CPED1: variants seen among roughly 807,000 people sequenced by gnomAD.
CPED1 encodes the protein cadherin like and PC-esterase domain containing 1.
A neutral mutation model predicts 128.2 loss-of-function variants in CPED1; 114 were observed. The ratio of observed to expected loss-of-function variants is 0.89; its 90% CI spans 0.76 to 1.04. CPED1 has a LOEUF of 1.04. Ranked by LOEUF, CPED1 falls within the 50% of genes least tolerant of loss-of-function variation. CPED1 has a pLI of 0.00. For missense variants in CPED1, 1,211 were observed against 1,207.1 expected (o/e 1.00, Z -0.05); for synonymous variants, 462 against 426.7 (o/e 1.08, Z -1.02).
chr7:121,243,327 GA>G (rs1000890395), intron 17 of CPED1, among the ~76,000 whole-genome samples: 2 of 147,424 alleles, frequency 1.4e-5, no homozygotes, highest in African/African-American at 2.5e-5. Context: ...GATGAACAAG[GA>G]AAAAAAAACA....
chr7:121,014,209 A>G (rs1792235968), intron 2 of CPED1, among the ~76,000 whole-genome samples: 1 of 152,172 alleles, frequency 6.6e-6, no homozygotes, highest in Admixed American at 6.5e-5. Flanking sequence ...TGATCTGACC[A>G]GAGAAGGAAG....
chr7:121,069,092 T>A (rs1793927447), intron 5 of CPED1, among the ~76,000 whole-genome samples: 1 of 152,124 alleles, frequency 6.6e-6, no homozygotes, highest in Admixed American at 6.5e-5. Flanking sequence ...TATCTCTTTT[T>A]CAAGGCTTTC....
intron 18 of CPED1, among the ~76,000 whole-genome samples, chr7:121,254,268 A>G: frequency 6.6e-6 from 1 of 152,102 alleles, no homozygotes; most frequent in East Asian, 1.9e-4. Flanking sequence ...CCTTAAATCT[A>G]CTCAAATACA....
At chr7:121,222,462 T>C (rs184254133) in intron 16 of CPED1, among the ~76,000 whole-genome samples, 69 of 152,102 alleles carry the variant, frequency 4.5e-4, no homozygotes, top group African/African-American at 1.5e-3. Flanking sequence ...TCCATATGAA[T>C]TTTAGAGTAC....
At chr7:121,259,185 G>A (rs1293154185) in intron 18 of CPED1, among the ~76,000 whole-genome samples, 3 of 152,104 alleles carry the variant, frequency 2.0e-5, no homozygotes, top group South Asian at 2.1e-4. Flanking sequence ...TATAGGGAAG[G>A]AACAAGACAC....
At chr7:121,262,932 A>G (rs1792048912) in intron 18 of CPED1, among the ~76,000 whole-genome samples, 1 of 152,140 alleles carries the variant, frequency 6.6e-6, no homozygotes. Context: ...TTTCCAACAG[A>G]ACAATCAATC....
intron 5 of CPED1, among the ~76,000 whole-genome samples, chr7:121,087,679 T>TTTTTTTTTTTTTTTG (rs1794465347): frequency 6.7e-6 from 1 of 150,092 alleles, no homozygotes; most frequent in African/African-American, 2.5e-5. Context: ...TTTTTTTTTT[T>TTTTTTTTTTTTTTTG]TGGCAGAGTC....
intron 5 of CPED1, among the ~76,000 whole-genome samples, chr7:121,065,870 A>G (rs1793818374): frequency 6.6e-6 from 1 of 152,110 alleles, no homozygotes; most frequent in African/African-American, 2.4e-5. Context: ...CACAGAATGC[A>G]CAGCTTTTTA....
At chr7:121,088,164 A>AT (rs1794481785) in intron 5 of CPED1, among the ~76,000 whole-genome samples, 1 of 152,198 alleles carries the variant, frequency 6.6e-6, no homozygotes, top group Non-Finnish European at 1.5e-5. Context: ...CAAGTCTAGG[A>AT]TTGTTATACA....
chr7:121,155,460 A>C (rs1410744277), intron 16 of CPED1, among the ~76,000 whole-genome samples: 1 of 152,182 alleles, frequency 6.6e-6, no homozygotes, highest in East Asian at 1.9e-4. Context: ...CTTCAAAATT[A>C]ACTACAAAGC....
chr7:121,193,476 C>T (rs945766427), intron 16 of CPED1, among the ~76,000 whole-genome samples: 3 of 152,086 alleles, frequency 2.0e-5, no homozygotes, highest in Admixed American at 1.3e-4. Context: ...TACTGGGTCG[C>T]TTCAACTAAT....
intron 4 of CPED1, chr7:121,062,688 G>A (rs1793704454): frequency 1.3e-5 from 1 of 79,982 alleles, no homozygotes; most frequent in Non-Finnish European, 3.2e-5. Context: ...TGTTCTGGCT[G>A]TGTCCCCACC....
At chr7:121,026,353 G>A (rs1049710169) in intron 3 of CPED1, among the ~76,000 whole-genome samples, 3 of 152,012 alleles carry the variant, frequency 2.0e-5, no homozygotes, top group Non-Finnish European at 2.9e-5. Flanking sequence ...TGTAAAATGT[G>A]CATCTGCTCT....
rs1251372525 is a variant in CPED1, at chr7:121,266,278, G to A, written c.2362G>A (p.Glu788Lys). 2.5e-6 allele frequency: 4 copies of A among 1,613,070 alleles called. No homozygotes were observed. The highest frequency in any genetic ancestry group is 1.3e-5 in the African/African-American group (1 of 74,932). ...CAGAGGGATCATGTACTATCTTATT[G>A]AAAGGCTGAATGAAACGTTGCAGGA... The part of the protein sequence containing the change: ...TNRGIMYYLI[E>K]RLNETLQEWQ... Residue 788 changes from glutamate (E) to lysine (K), a missense_variant, in exon 19 of 23, where the codon GAA (glutamate) becomes AAA (lysine). Glu to Lys is a moderately conservative substitution (Grantham distance 56, BLOSUM62 1). Transcript: ENST00000310396.
chr7:121,132,387 AGT>A (rs1795693414), intron 12 of CPED1, among the ~76,000 whole-genome samples: 1 of 151,982 alleles, frequency 6.6e-6, no homozygotes, highest in African/African-American at 2.4e-5. Flanking sequence ...TGGTTACCAC[AGT>A]TTTTTCTATA....
chr7:121,088,927 T>C (rs1794512879), intron 5 of CPED1, among the ~76,000 whole-genome samples: 1 of 152,130 alleles, frequency 6.6e-6, no homozygotes, highest in Non-Finnish European at 1.5e-5. Context: ...AAGATAGATG[T>C]ACCTGGCTAA....
chr7:121,219,928 A>G (rs759869544), intron 16 of CPED1, among the ~76,000 whole-genome samples: 1 of 152,066 alleles, frequency 6.6e-6, no homozygotes, highest in Non-Finnish European at 1.5e-5. Context: ...AAGTAGCTGT[A>G]TATTTTTCTT....
chr7:121,047,705 TC>T (rs1563004995), intron 4 of CPED1, among the ~76,000 whole-genome samples: 4 of 106,720 alleles, frequency 3.7e-5, no homozygotes, highest in Non-Finnish European at 5.6e-5. Flanking sequence ...TTCTTCTTCT[TC>T]TTCTTCTTCT....
chr7:121,280,979 A>G (rs1217302910), intron 22 of CPED1, among the ~76,000 whole-genome samples: 2 of 152,182 alleles, frequency 1.3e-5, no homozygotes, highest in Non-Finnish European at 2.9e-5. Flanking sequence ...TCAGAAAGCC[A>G]TTACCCTGTC....
Sources: allele counts gnomAD v4.1 joint callset (sites outside exome capture counted in the v4.1 genomes callset), GRCh38; gene constraint gnomAD v4.1.1; transcripts MANE v1.5; gene names NCBI Gene and HGNC (gene_info 2026-07-23, HGNC 2026-07-21).